Variants in ARK2N observed in about 807,000 individuals in gnomAD.
ARK2N encodes the protein arkadia (RNF111) N-terminal like PKA signaling regulator 2N.
the ARK2N span, among the ~76,000 whole-genome samples, chr18:46,186,549 G>A: frequency 1.4e-5 from 2 of 138,088 alleles, no homozygotes; most frequent in Non-Finnish European, 3.0e-5. Context: ...CTGTTGCCCA[G>A]GCTGGAGTGC....
the ARK2N span, among the ~76,000 whole-genome samples, chr18:46,250,491 T>TAAACACACACACACACACACACAC: frequency 1.5e-5 from 2 of 129,676 alleles, no homozygotes; most frequent in East Asian, 4.7e-4. Context: ...CCTCCATTCG[T>TAAACACACACACACACACACACAC]ACACACACAC....
chr18:46,231,282 A>G, the ARK2N span, among the ~76,000 whole-genome samples: 1 of 152,182 alleles, frequency 6.6e-6, no homozygotes, highest in African/African-American at 2.4e-5. Context: ...ATTTTTACTA[A>G]GAGAAATTAG....
At chr18:46,205,289 GGAAA>G in the ARK2N span, among the ~76,000 whole-genome samples, 1 of 152,150 alleles carries the variant, frequency 6.6e-6, no homozygotes, top group South Asian at 2.1e-4. Context: ...CAGGTAATAC[GGAAA>G]GGGGTAAAAA....
chr18:46,182,828 C>A, the ARK2N span, among the ~76,000 whole-genome samples: 1 of 151,810 alleles, frequency 6.6e-6, no homozygotes, highest in East Asian at 1.9e-4. Context: ...GCCATTATCA[C>A]CTTTGACCTA....
the ARK2N span, chr18:46,264,264 C>G: frequency 6.0e-4 from 91 of 152,726 alleles, no homozygotes; most frequent in African/African-American, 2.1e-3. Flanking sequence ...TCAGGGAATT[C>G]AGGAAATGCC....
the ARK2N span, among the ~76,000 whole-genome samples, chr18:46,226,240 G>C: frequency 6.6e-6 from 1 of 152,222 alleles, no homozygotes; most frequent in Non-Finnish European, 1.5e-5. Flanking sequence ...TACTATGCAA[G>C]ATAATGTAGG....
the ARK2N span, among the ~76,000 whole-genome samples, chr18:46,224,244 A>C: frequency 6.6e-6 from 1 of 152,218 alleles, no homozygotes; most frequent in Non-Finnish European, 1.5e-5. Context: ...AGTATATCCC[A>C]AACTTAACTA....
At chr18:46,185,901 C>T in the ARK2N span, among the ~76,000 whole-genome samples, 3 of 152,244 alleles carry the variant, frequency 2.0e-5, no homozygotes, top group East Asian at 1.9e-4. Context: ...GAAGGAGAAT[C>T]GCTTGAACCC....
At chr18:46,190,786 A>C in the ARK2N span, among the ~76,000 whole-genome samples, 2 of 152,206 alleles carry the variant, frequency 1.3e-5, no homozygotes, top group Admixed American at 1.3e-4. Context: ...AGGCCAAGGT[A>C]GTACAGATTG....
chr18:46,227,246 C>T, the ARK2N span, among the ~76,000 whole-genome samples: 9 of 152,074 alleles, frequency 5.9e-5, no homozygotes, highest in Non-Finnish European at 8.8e-5. Context: ...GAAGTATAGG[C>T]GGTATATTTA....
the ARK2N span, among the ~76,000 whole-genome samples, chr18:46,220,770 T>C: frequency 2.0e-5 from 3 of 152,340 alleles, no homozygotes; most frequent in African/African-American, 7.2e-5. Context: ...TTTGCTGTTA[T>C]ACGTTCAGGG....
At chr18:46,232,996 T>A in the ARK2N span, 1 of 152,192 alleles carries the variant, frequency 6.6e-6, no homozygotes, top group Non-Finnish European at 1.5e-5. Context: ...TAATTCACAT[T>A]AGGTGTTCCT....
the ARK2N span, among the ~76,000 whole-genome samples, chr18:46,236,519 A>G: frequency 6.6e-6 from 1 of 152,230 alleles, no homozygotes; most frequent in African/African-American, 2.4e-5. Flanking sequence ...AATATTAGAA[A>G]TTTATGTTTT....
At chr18:46,246,477 T>C in the ARK2N span, among the ~76,000 whole-genome samples, 1 of 152,198 alleles carries the variant, frequency 6.6e-6, no homozygotes, top group African/African-American at 2.4e-5. Flanking sequence ...CTAGCTGATT[T>C]GTTTTCTGTG....
chr18:46,228,043 A>T, the ARK2N span, among the ~76,000 whole-genome samples: 1 of 152,216 alleles, frequency 6.6e-6, no homozygotes, highest in Admixed American at 6.5e-5. Context: ...ATTATAACTG[A>T]TGGGTTTCCC....
At chr18:46,190,439 G>A in the ARK2N span, among the ~76,000 whole-genome samples, 1,197 of 28,566 alleles carry the variant, frequency 0.042, 27 homozygotes, top group African/African-American at 0.097. Context: ...GGTGAGCTGA[G>A]ATCACGCCAC....
the ARK2N span, among the ~76,000 whole-genome samples, chr18:46,199,925 C>T: frequency 1.3e-5 from 2 of 152,236 alleles, no homozygotes; most frequent in Non-Finnish European, 2.9e-5. Flanking sequence ...TGGACTTAAG[C>T]TTGTGTGTGT....
At chr18:46,206,501 C>A in the ARK2N span, among the ~76,000 whole-genome samples, 1 of 152,064 alleles carries the variant, frequency 6.6e-6, no homozygotes. Context: ...AACTTGTCTC[C>A]TCTCTCTTTA....
chr18:46,226,706 C>T, the ARK2N span, among the ~76,000 whole-genome samples: 15 of 151,998 alleles, frequency 9.9e-5, no homozygotes, highest in Non-Finnish European at 1.6e-4. Context: ...TCTAGTAATA[C>T]TGTGAGACAC....
Sources: allele counts gnomAD v4.1 joint callset (sites outside exome capture counted in the v4.1 genomes callset), GRCh38; gene constraint gnomAD v4.1.1; transcripts MANE v1.5; gene names NCBI Gene and HGNC (gene_info 2026-07-23, HGNC 2026-07-21).